The following TMTC2 variants were observed in gnomAD, a reference collection of about 807,000 sequenced individuals.
TMTC2 encodes transmembrane O-mannosyltransferase targeting cadherins 2, also known as protein O-mannosyl-transferase TMTC2.
In TMTC2, 43 loss-of-function variants were observed where a neutral mutation model predicts 82.4. The observed-to-expected ratio is 0.52, with a 90% CI of 0.41 to 0.67. The LOEUF (loss-of-function observed/expected upper bound fraction) is 0.67. TMTC2 is among the 30% of genes least tolerant of loss of function. TMTC2 has a pLI of 0.00. For missense variants in TMTC2, 919 were observed against 1,012.4 expected, an observed-to-expected ratio of 0.91 and a Z score of 1.25; for synonymous variants, 408 against 381.9, an observed-to-expected ratio of 1.07 and a Z score of -0.80.
chr12:82,998,630 G>A (rs571852592), intron 8 of TMTC2, among the ~76,000 whole-genome samples: 15 of 152,194 alleles, frequency 9.9e-5, no homozygotes, highest in Non-Finnish European at 1.3e-4. Context: ...TCTGGCAAAT[G>A]TTGTTACTTA....
intron 8 of TMTC2, among the ~76,000 whole-genome samples, chr12:82,995,533 A>C (rs995370840): frequency 2.0e-5 from 3 of 152,198 alleles, no homozygotes; most frequent in Admixed American, 1.3e-4. Context: ...AACCTGAAGC[A>C]TGAAGCCTGC....
intron 8 of TMTC2, among the ~76,000 whole-genome samples, chr12:83,028,308 G>T (rs1205029114): frequency 6.6e-6 from 1 of 152,058 alleles, no homozygotes; most frequent in African/African-American, 2.4e-5. Flanking sequence ...TAGGAGATAG[G>T]TTTTGTTATC....
intron 8 of TMTC2, among the ~76,000 whole-genome samples, chr12:83,012,561 A>G (rs547412341): frequency 1.3e-5 from 2 of 152,202 alleles, no homozygotes; most frequent in Non-Finnish European, 2.9e-5. Flanking sequence ...GTAAAATAAC[A>G]TGGTAGTCCT....
intron 11 of TMTC2, among the ~76,000 whole-genome samples, chr12:83,106,568 A>G (rs1884407971): frequency 6.6e-6 from 1 of 152,068 alleles, no homozygotes; most frequent in Non-Finnish European, 1.5e-5. Flanking sequence ...GAATAAATAC[A>G]TAGAAATATC....
At chr12:82,767,756 T>G (rs189848189) in intron 1 of TMTC2, among the ~76,000 whole-genome samples, 1 of 152,356 alleles carries the variant, frequency 6.6e-6, no homozygotes, top group Non-Finnish European at 1.5e-5. Flanking sequence ...TTTCTACGAT[T>G]GGTTCTATTG....
At chr12:82,946,210 G>A (rs894626324) in intron 4 of TMTC2, among the ~76,000 whole-genome samples, 1 of 152,006 alleles carries the variant, frequency 6.6e-6, no homozygotes. Context: ...TAAAATTAAT[G>A]TAAACCTAGT....
intron 1 of TMTC2, among the ~76,000 whole-genome samples, chr12:82,815,677 T>G (rs933528776): frequency 1.3e-4 from 20 of 152,054 alleles, no homozygotes; most frequent in Non-Finnish European, 2.5e-4. Flanking sequence ...TTTTGGCTTA[T>G]TTTATCCCAG....
chr12:82,952,848 C>T (rs893127868), intron 4 of TMTC2, among the ~76,000 whole-genome samples: 4 of 152,158 alleles, frequency 2.6e-5, no homozygotes, highest in Admixed American at 2.0e-4. Flanking sequence ...GCTGGGATTA[C>T]AGCCATGAGC....
intron 1 of TMTC2, among the ~76,000 whole-genome samples, chr12:82,778,845 T>G: frequency 2.1e-5 from 1 of 47,976 alleles, no homozygotes. Context: ...CGAGACTCCG[T>G]CTCAAAAAAA....
At chr12:82,962,091 G>A (rs912462447) in intron 4 of TMTC2, among the ~76,000 whole-genome samples, 3 of 152,080 alleles carry the variant, frequency 2.0e-5, no homozygotes, top group South Asian at 4.2e-4. Context: ...CAAGAATAAG[G>A]CAGGCAGAAC....
At chr12:82,728,833 T>C (rs972649054) in intron 1 of TMTC2, among the ~76,000 whole-genome samples, 2 of 152,186 alleles carry the variant, frequency 1.3e-5, no homozygotes, top group African/African-American at 2.4e-5. Context: ...GAGTTCCAGG[T>C]GGGCATGGGC....
chr12:82,940,014 C>CTTTTTTTTTTTTTTTTTTT (rs71309537), intron 4 of TMTC2, among the ~76,000 whole-genome samples: 1 of 91,264 alleles, frequency 1.1e-5, no homozygotes, highest in African/African-American at 4.3e-5. Context: ...TCTTTCTTTA[C>CTTTTTTTTTTTTTTTTTTT]TTTTTTTTTT....
chr12:82,770,071 G>C (rs551338063), intron 1 of TMTC2, among the ~76,000 whole-genome samples: 15 of 152,204 alleles, frequency 9.9e-5, no homozygotes, highest in East Asian at 3.9e-4. Flanking sequence ...ATTTGTGTGT[G>C]GGTGCGAATT....
chr12:83,004,394 A>G (rs1381545231), intron 8 of TMTC2, among the ~76,000 whole-genome samples: 1 of 152,134 alleles, frequency 6.6e-6, no homozygotes, highest in African/African-American at 2.4e-5. Flanking sequence ...AGCCATGTCA[A>G]TCTGGCTAAG....
At chr12:82,689,133 A>G (rs1872467727) in intron 1 of TMTC2, among the ~76,000 whole-genome samples, 1 of 152,150 alleles carries the variant, frequency 6.6e-6, no homozygotes, top group Non-Finnish European at 1.5e-5. Context: ...GTTCTCTCCA[A>G]TTTTGTGTAA....
chr12:82,871,286 A>G (rs1196269266), intron 2 of TMTC2, among the ~76,000 whole-genome samples: 1 of 152,292 alleles, frequency 6.6e-6, no homozygotes, highest in South Asian at 2.1e-4. Context: ...TCCAAAGCTC[A>G]TGGTCTTCCT....
chr12:82,779,858 C>T (rs1033185827), intron 1 of TMTC2, among the ~76,000 whole-genome samples: 1 of 152,090 alleles, frequency 6.6e-6, no homozygotes, highest in Non-Finnish European at 1.5e-5. Context: ...AAGATCATGC[C>T]ACTGCACTCC....
intron 1 of TMTC2, among the ~76,000 whole-genome samples, chr12:82,719,967 G>T (rs556692892): frequency 1.0e-3 from 154 of 152,238 alleles, no homozygotes; most frequent in African/African-American, 3.7e-3. Flanking sequence ...TGCAATTAAA[G>T]TGATGCCAAT....
intron 3 of TMTC2, among the ~76,000 whole-genome samples, chr12:82,906,002 A>G (rs770298318): frequency 7.9e-5 from 12 of 151,856 alleles, no homozygotes; most frequent in Non-Finnish European, 1.6e-4. Context: ...TCAATTTTGC[A>G]GCGTCTGACA....
Sources: allele counts gnomAD v4.1 joint callset (sites outside exome capture counted in the v4.1 genomes callset), GRCh38; gene constraint gnomAD v4.1.1; transcripts MANE v1.5; gene names NCBI Gene and HGNC (gene_info 2026-07-23, HGNC 2026-07-21).